The following SGCZ variants were observed in gnomAD, a reference collection of about 807,000 sequenced individuals.
SGCZ encodes the protein zeta-sarcoglycan.
Under a neutral mutation model 41.3 loss-of-function variants are expected in SGCZ, and 40 were observed. The ratio of observed to expected loss-of-function variants is 0.97; its 90% CI spans 0.75 to 1.26. The LOEUF is 1.26. SGCZ is among the 50% of genes most tolerant of loss of function. SGCZ has a pLI of 0.00. For missense variants in SGCZ, 552 were observed against 369.8 expected (o/e 1.49, Z -4.04); for synonymous variants, 206 against 137.5 (o/e 1.50, Z -3.49).
At chr8:14,386,248 A>C (rs539703877) in intron 2 of SGCZ, among the ~76,000 whole-genome samples, 1 of 152,152 alleles carries the variant, frequency 6.6e-6, no homozygotes, top group South Asian at 2.1e-4. Flanking sequence ...TGCTATGATA[A>C]ATTTTGTTTA....
At chr8:15,202,035 A>C (rs77738956) in intron 1 of SGCZ, among the ~76,000 whole-genome samples, 3,547 of 152,274 alleles carry the variant, frequency 0.023, 67 homozygotes, top group South Asian at 0.071. Context: ...TAGAAACTCA[A>C]CCACTCCTGA....
chr8:14,854,737 G>T (rs1037443115), intron 1 of SGCZ, among the ~76,000 whole-genome samples: 1 of 152,074 alleles, frequency 6.6e-6, no homozygotes, highest in Non-Finnish European at 1.5e-5. Context: ...ATACCAGCAG[G>T]AATTAGTTTG....
chr8:14,989,976 C>A (rs939432730), intron 1 of SGCZ, among the ~76,000 whole-genome samples: 3 of 152,120 alleles, frequency 2.0e-5, no homozygotes, highest in African/African-American at 7.2e-5. Context: ...CCGGGAGGTA[C>A]GCATGACTGA....
intron 1 of SGCZ, among the ~76,000 whole-genome samples, chr8:15,066,020 C>T (rs1361925966): frequency 2.0e-5 from 3 of 152,138 alleles, no homozygotes; most frequent in African/African-American, 4.8e-5. Context: ...CTTAGAAGTC[C>T]ACCTTGGGCC....
intron 2 of SGCZ, among the ~76,000 whole-genome samples, chr8:14,398,421 G>T (rs1188929096): frequency 6.6e-6 from 1 of 151,872 alleles, no homozygotes; most frequent in Non-Finnish European, 1.5e-5. Context: ...TTTCACTTTT[G>T]TCACTAAAGG....
At chr8:14,775,906 A>G (rs932857183) in intron 1 of SGCZ, among the ~76,000 whole-genome samples, 6 of 152,182 alleles carry the variant, frequency 3.9e-5, no homozygotes, top group Non-Finnish European at 7.3e-5. Context: ...TGTAAAACAG[A>G]TGCCTGTGAC....
chr8:14,562,683 G>A (rs1011927198), intron 1 of SGCZ, among the ~76,000 whole-genome samples: 14 of 152,068 alleles, frequency 9.2e-5, no homozygotes, highest in African/African-American at 3.4e-4. Flanking sequence ...AGTAGAGACA[G>A]CAAATGTAGA....
chr8:14,343,576 A>G (rs183588976), intron 2 of SGCZ, among the ~76,000 whole-genome samples: 67 of 152,352 alleles, frequency 4.4e-4, no homozygotes, highest in Non-Finnish European at 6.8e-4. Flanking sequence ...CAGAAATAGC[A>G]TAGTGCTGCA....
At chr8:14,772,306 C>A (rs538223122) in intron 1 of SGCZ, among the ~76,000 whole-genome samples, 110 of 152,052 alleles carry the variant, frequency 7.2e-4, no homozygotes, top group African/African-American at 2.5e-3. Flanking sequence ...GACATAAACC[C>A]ATCCTAAGGT....
chr8:14,410,445 T>C (rs1799329197), intron 2 of SGCZ, among the ~76,000 whole-genome samples: 1 of 150,408 alleles, frequency 6.6e-6, no homozygotes, highest in Non-Finnish European at 1.5e-5. Context: ...CCCAAATGGA[T>C]CTCCAAGTAG....
At chr8:14,447,254 T>C (rs1238555788) in intron 2 of SGCZ, among the ~76,000 whole-genome samples, 1 of 152,180 alleles carries the variant, frequency 6.6e-6, no homozygotes, top group Non-Finnish European at 1.5e-5. Flanking sequence ...AAGTCATCAG[T>C]CAAACCAAGA....
intron 2 of SGCZ, among the ~76,000 whole-genome samples, chr8:14,381,992 G>A (rs1804384367): frequency 6.6e-6 from 1 of 152,064 alleles, no homozygotes; most frequent in Admixed American, 6.6e-5. Flanking sequence ...TTTGTTCCAT[G>A]TTTAGCTTTG....
chr8:15,168,063 C>T (rs1799716551), intron 1 of SGCZ, among the ~76,000 whole-genome samples: 1 of 152,076 alleles, frequency 6.6e-6, no homozygotes, highest in African/African-American at 2.4e-5. Flanking sequence ...TGTCACAAGA[C>T]ATCCTTTCCT....
At chr8:14,182,333 C>G (rs1424016572) in intron 4 of SGCZ, among the ~76,000 whole-genome samples, 1 of 152,172 alleles carries the variant, frequency 6.6e-6, no homozygotes, top group African/African-American at 2.4e-5. Flanking sequence ...TCCATACATC[C>G]TGGAGAGCAT....
At chr8:14,366,093 T>C (rs891426435) in intron 2 of SGCZ, among the ~76,000 whole-genome samples, 1 of 152,178 alleles carries the variant, frequency 6.6e-6, no homozygotes, top group African/African-American at 2.4e-5. Flanking sequence ...TTTATATCAA[T>C]AAATGCCACT....
chr8:14,674,888 C>G (rs13262548), intron 1 of SGCZ, among the ~76,000 whole-genome samples: 3 of 145,460 alleles, frequency 2.1e-5, no homozygotes, highest in African/African-American at 7.8e-5. Context: ...TGCCATCATG[C>G]TTCCTGTACA....
chr8:15,046,809 T>C lies in SGCZ; in HGVS notation c.39+190776A>G, dbSNP rs549907127. On this transcript the variant is annotated intron_variant, in intron 1 of 7. Transcript: ENST00000382080. ...TAATACTGCCAAAACCAATCTGACG[T>C]TATACCAAACATGCTAGCCTTTCCC... Among the ~76,000 whole-genome samples, 5 of 152,128 alleles carry C rather than the reference T, an allele frequency of 3.3e-5. No individual in the cohort carries two copies. The South Asian group carries it at 1.0e-3, about 32-fold the overall frequency.
At chr8:15,116,277 T>C (rs1807265276) in intron 1 of SGCZ, among the ~76,000 whole-genome samples, 1 of 152,216 alleles carries the variant, frequency 6.6e-6, no homozygotes, top group African/African-American at 2.4e-5. Flanking sequence ...TTAGCAGTAT[T>C]TGGCTATATT....
chr8:14,090,726 A>G, intron 7 of SGCZ, 89 bp from the exon 8 acceptor site: 1 of 1,119,508 alleles, frequency 8.9e-7, no homozygotes, highest in Non-Finnish European at 1.3e-6. Context: ...TCTAATAAGG[A>G]AGTCGACACA....
Sources: gnomAD v4.1 joint callset for allele counts (sites outside exome capture counted in the v4.1 genomes callset) on GRCh38, gnomAD v4.1.1 for gene constraint, MANE v1.5 for transcripts, NCBI Gene and HGNC (gene_info 2026-07-23, HGNC 2026-07-21) for gene names.